XRCC4: variants seen among roughly 807,000 people sequenced by gnomAD.
The protein encoded by XRCC4 is DNA repair protein XRCC4.
A neutral mutation model predicts 39.1 loss-of-function variants in XRCC4; 28 were observed. The observed-to-expected ratio is 0.72, with a 90% CI of 0.53 to 0.98. The LOEUF is 0.98. Among genes scored for constraint, XRCC4 ranks in the 50% least tolerant of loss-of-function variants. The pLI is 0.00. For synonymous variants in XRCC4, 123 were observed against 126.4 expected, an observed-to-expected ratio of 0.97 and a Z score of 0.18; for missense variants, 350 against 376.4, an observed-to-expected ratio of 0.93 and a Z score of 0.58.
chr5:83,112,220 G>C (rs567123565), intron 3 of XRCC4, among the ~76,000 whole-genome samples: 42 of 152,168 alleles, frequency 2.8e-4, no homozygotes, highest in African/African-American at 9.4e-4. Flanking sequence ...TTTAAAATAG[G>C]TTCAGTAAGA....
chr5:83,183,313 T>C (rs1469120839), intron 3 of XRCC4, among the ~76,000 whole-genome samples: 1 of 152,102 alleles, frequency 6.6e-6, no homozygotes, highest in African/African-American at 2.4e-5. Context: ...TTTTTTCTTT[T>C]ATGTCTTTTA....
chr5:83,217,358 C>CAAAAAAAAAAAAAAAAAAAAAAAAAAA (rs59416363), intron 6 of XRCC4, among the ~76,000 whole-genome samples: 26 of 96,140 alleles, frequency 2.7e-4, no homozygotes, highest in African/African-American at 1.1e-3. Context: ...GACTCCGTCT[C>CAAAAAAAAAAAAAAAAAAAAAAAAAAA]AAAAAAAAAA....
chr5:83,148,008 G>A (rs960660473), intron 3 of XRCC4, among the ~76,000 whole-genome samples: 10 of 151,872 alleles, frequency 6.6e-5, no homozygotes, highest in African/African-American at 2.2e-4. Flanking sequence ...GGCTGTTCTC[G>A]AACTCCCGGT....
At chr5:83,165,626 C>G (rs1305958271) in intron 3 of XRCC4, among the ~76,000 whole-genome samples, 1 of 152,088 alleles carries the variant, frequency 6.6e-6, no homozygotes, top group Non-Finnish European at 1.5e-5. Flanking sequence ...CTCTCCCTCT[C>G]CCACCGTCTA....
intron 3 of XRCC4, among the ~76,000 whole-genome samples, chr5:83,183,052 C>T (rs530853043): frequency 2.0e-5 from 3 of 152,130 alleles, no homozygotes; most frequent in East Asian, 1.9e-4. Context: ...TATCTGAATA[C>T]GTATTTATCA....
intron 7 of XRCC4, among the ~76,000 whole-genome samples, chr5:83,262,764 A>G (rs1441245864): frequency 1.3e-5 from 2 of 151,524 alleles, no homozygotes; most frequent in African/African-American, 4.8e-5. Context: ...TGAATACTGG[A>G]TGCCAAAACA....
Position 83,113,384 on chromosome 5 carries a change from C to T in XRCC4, c.315+2181C>T, listed in dbSNP as rs140428136. ...CTCCCTTCCTGGCTGCTTTCATGGG[C>T]TGGCATTGAGTGTCTGTGGCTTTCC... On this transcript the variant is annotated intron_variant, in intron 3 of 7. Transcript: ENST00000396027. Among the ~76,000 whole-genome samples, 83 of 152,292 alleles carry T rather than the reference C, an allele frequency of 5.5e-4. 3 individuals carry two copies. In the East Asian group the frequency reaches 0.016, roughly 29 times the overall value.
chr5:83,331,663 C>T (rs1379118672), intron 7 of XRCC4, among the ~76,000 whole-genome samples: 1 of 152,022 alleles, frequency 6.6e-6, no homozygotes, highest in Non-Finnish European at 1.5e-5. Flanking sequence ...ACCCTGCAGT[C>T]ATTGATTAGG....
At chr5:83,092,296 A>C (rs934296014) in intron 1 of XRCC4, among the ~76,000 whole-genome samples, 6 of 152,104 alleles carry the variant, frequency 3.9e-5, no homozygotes, top group Non-Finnish European at 8.8e-5. Context: ...TATTTTCTTA[A>C]TTCTGTAGGT....
chr5:83,238,838 T>C (rs1752795051), intron 6 of XRCC4, among the ~76,000 whole-genome samples: 1 of 152,228 alleles, frequency 6.6e-6, no homozygotes. Flanking sequence ...TAAGAAGAGA[T>C]TTTTTGAAGT....
chr5:83,120,243 A>G (rs1461780879), intron 3 of XRCC4, among the ~76,000 whole-genome samples: 1 of 152,226 alleles, frequency 6.6e-6, no homozygotes, highest in Non-Finnish European at 1.5e-5. Flanking sequence ...GTTGCTAAGG[A>G]AAACAGGTAG....
At chr5:83,287,925 C>G (rs1754789706) in intron 7 of XRCC4, among the ~76,000 whole-genome samples, 1 of 151,678 alleles carries the variant, frequency 6.6e-6, no homozygotes, top group South Asian at 2.1e-4. Context: ...GCATTTAAGG[C>G]TATAAATTTC....
At chr5:83,259,298 A>G (rs1753667596) in intron 7 of XRCC4, 1 of 152,436 alleles carries the variant, frequency 6.6e-6, no homozygotes, top group South Asian at 2.1e-4. Flanking sequence ...AATCATTTGT[A>G]TCTTTGGGTA....
chr5:83,197,685 T>C (rs969193398), intron 4 of XRCC4, among the ~76,000 whole-genome samples: 1 of 152,148 alleles, frequency 6.6e-6, no homozygotes, highest in African/African-American at 2.4e-5. Flanking sequence ...TGTCTTGTTG[T>C]GAAGAGATTT....
At chr5:83,224,009 C>T (rs1378232276) in intron 6 of XRCC4, among the ~76,000 whole-genome samples, 1 of 151,898 alleles carries the variant, frequency 6.6e-6, no homozygotes, top group East Asian at 1.9e-4. Flanking sequence ...TTTCTTCATC[C>T]AGTCTATCAT....
chr5:83,119,468 G>A (rs1306632183), intron 3 of XRCC4, among the ~76,000 whole-genome samples: 1 of 152,064 alleles, frequency 6.6e-6, no homozygotes, highest in Admixed American at 6.6e-5. Flanking sequence ...AAAAGTATAC[G>A]TTTTCTAGCT....
In XRCC4 at chr5:83,211,774, G is replaced by A. The variant is rs530880433; in HGVS notation, c.745+6853G>A. ...TTAAAAATCAAGAATAAAATAAACTGTGCAGAAACATCAATTGTCACACAT... is the reference window on the plus strand; with the variant it reads ...TTAAAAATCAAGAATAAAATAAACTATGCAGAAACATCAATTGTCACACAT... On this transcript the variant is annotated intron_variant, in intron 6 of 7. Coordinates refer to ENST00000396027, the MANE Select transcript of XRCC4 (RefSeq NM_003401.5). 3.9e-5 allele frequency among the ~76,000 whole-genome samples: 6 copies of A among 152,210 alleles called. No homozygotes were observed. In the South Asian group the frequency reaches 1.2e-3, roughly 32 times the overall value.
chr5:83,258,885 A>G, intron 7 of XRCC4: 1 of 627,052 alleles, frequency 1.6e-6, no homozygotes. Context: ...CTGAGAACGT[A>G]AGCAAAAATT....
At chr5:83,354,343 GTCTTC>G (rs1447496175), downstream of XRCC4, among the ~76,000 whole-genome samples, 6 of 152,108 alleles carry the variant, frequency 3.9e-5, no homozygotes, top group Non-Finnish European at 8.8e-5. Context: ...ATTATCAGCC[GTCTTC>G]TCTTCATTAC....
Sources: allele counts gnomAD v4.1 joint callset (sites outside exome capture counted in the v4.1 genomes callset), GRCh38; gene constraint gnomAD v4.1.1; transcripts MANE v1.5; gene names NCBI Gene and HGNC (gene_info 2026-07-23, HGNC 2026-07-21).